Variants in DIAPH2 observed in about 807,000 individuals in gnomAD.
DIAPH2 encodes the protein protein diaphanous homolog 2.
A neutral mutation model predicts 92.7 loss-of-function variants in DIAPH2; 35 were observed. The observed-to-expected ratio is 0.38, with a 90% CI of 0.29 to 0.50. DIAPH2 has a LOEUF of 0.50. Among genes scored for constraint, DIAPH2 ranks in the 20% least tolerant of loss-of-function variants. The probability of loss-of-function intolerance (pLI) is 0.94; values close to 1 mark genes in which losing one functional copy is unlikely to be tolerated. For synonymous variants in DIAPH2, 301 were observed against 280.4 expected (o/e 1.07, Z -0.73); for missense variants, 701 against 819.5 (o/e 0.86, Z 1.77).
intron 26 of DIAPH2, among the ~76,000 whole-genome samples, chrX:97,499,436 G>A (rs751305272): frequency 1.2e-4 from 13 of 111,547 alleles, no homozygotes; most frequent in South Asian, 3.8e-4. Flanking sequence ...TAGATTCAGC[G>A]GGTACATGTG....
intron 4 of DIAPH2, among the ~76,000 whole-genome samples, chrX:96,838,209 A>G (rs1311926114): frequency 8.9e-6 from 1 of 111,966 alleles, no homozygotes; most frequent in Non-Finnish European, 1.9e-5. Flanking sequence ...CTTAAAATAT[A>G]AAGCAATGAG....
chrX:97,018,711 C>T (rs962063443), intron 17 of DIAPH2, among the ~76,000 whole-genome samples: 1 of 111,662 alleles, frequency 9.0e-6, no homozygotes, highest in Non-Finnish European at 1.9e-5. Context: ...TCCAGTTTCC[C>T]CTATTATTAT....
At chrX:97,579,198 G>A (rs1251908139) in intron 26 of DIAPH2, among the ~76,000 whole-genome samples, 5 of 108,970 alleles carry the variant, frequency 4.6e-5, no homozygotes, top group Non-Finnish European at 7.7e-5. Context: ...TGTCAATTTT[G>A]TCTTTTGTTG....
chrX:97,274,782 C>A (rs2068424567), intron 23 of DIAPH2, among the ~76,000 whole-genome samples: 1 of 110,325 alleles, frequency 9.1e-6, no homozygotes, highest in Non-Finnish European at 1.9e-5. Flanking sequence ...AGGCAAAGGA[C>A]CCTGTGGCCT....
chrX:97,380,615 G>T (rs1049892237), intron 24 of DIAPH2, among the ~76,000 whole-genome samples: 3 of 110,951 alleles, frequency 2.7e-5, no homozygotes, highest in African/African-American at 9.8e-5. Flanking sequence ...TTTTTAGAAG[G>T]GTTAAACAAT....
intron 26 of DIAPH2, among the ~76,000 whole-genome samples, chrX:97,474,919 G>A (rs765633821): frequency 1.8e-5 from 2 of 111,230 alleles, no homozygotes; most frequent in African/African-American, 6.5e-5. Context: ...TGAGAAATCT[G>A]ATTTGTGGAT....
chrX:96,828,887 G>A (rs1330634967), intron 4 of DIAPH2, among the ~76,000 whole-genome samples: 1 of 111,157 alleles, frequency 9.0e-6, no homozygotes, highest in Admixed American at 9.6e-5. Context: ...GAATATAAAT[G>A]GATAGATAAA....
intron 26 of DIAPH2, among the ~76,000 whole-genome samples, chrX:97,559,360 C>T (rs976350168): frequency 1.5e-4 from 16 of 109,787 alleles, no homozygotes; most frequent in Admixed American, 2.9e-4. Context: ...CGTGGTGGTG[C>T]GCGCCTGTAG....
intron 22 of DIAPH2, among the ~76,000 whole-genome samples, chrX:97,185,475 A>ATG (rs1569323396): frequency 7.5e-4 from 1 of 1,341 alleles, no homozygotes; most frequent in Non-Finnish European, 1.3e-3. Flanking sequence ...ATATATACAC[A>ATG]TATATATATA....
intron 17 of DIAPH2, among the ~76,000 whole-genome samples, chrX:97,030,178 C>T (rs905418641): frequency 1.8e-5 from 2 of 111,471 alleles, no homozygotes; most frequent in African/African-American, 3.3e-5. Flanking sequence ...TTTTTAACCA[C>T]CCCTGGGTTG....
rs1037224288 is a variant in DIAPH2 at position 97,257,445 on chromosome X, T to C, written c.2844+9606T>C. ...CTGAGTTGACAATGGTTCTGAGAGG[T>C]AACGGTAACAAACCCTCTTTATCGT... On this transcript the variant is annotated intron_variant, in intron 23 of 26. Transcript: ENST00000324765. 6.3e-5 allele frequency among the ~76,000 whole-genome samples: 7 copies of C among 111,410 alleles called. No homozygotes were observed. The Admixed American group carries it at 6.7e-4, about 11-fold the overall frequency.
chrX:96,706,639 C>G (rs1446306992), intron 1 of DIAPH2, among the ~76,000 whole-genome samples: 1 of 111,559 alleles, frequency 9.0e-6, no homozygotes, highest in African/African-American at 3.3e-5. Context: ...CGTGGGACAT[C>G]ATTGCGAGGT....
rs1265069515 is a variant in DIAPH2, at chrX:97,601,214, T to TATC, written c.*1899_*1901dup. 8.9e-6 allele frequency: 1 copy of TATC among 111,965 alleles called. No individual in the cohort carries two copies. Among genetic ancestry groups the TATC allele is most frequent in the Non-Finnish European group, 1.9e-5 (1 of 53,108 alleles). The allele number at this position is 111,965 out of a possible 1,213,427, so 9.2% of individuals were successfully genotyped here. ...GGCTTTTTTAATTCTTTTGACAGCTTATCAGTCTGTAGGAGAATGATCTTG... is the reference window on the plus strand; with the variant it reads ...GGCTTTTTTAATTCTTTTGACAGCTTATCATCAGTCTGTAGGAGAATGATCTTG... On this transcript the variant is annotated 3_prime_UTR_variant, in exon 27 of 27. Transcript: ENST00000324765.
At chrX:97,537,301 C>T (rs1160168710) in intron 26 of DIAPH2, among the ~76,000 whole-genome samples, 2 of 111,694 alleles carry the variant, frequency 1.8e-5, no homozygotes, top group Non-Finnish European at 3.8e-5. Context: ...GGAGTTTGAA[C>T]ATCATTCTGT....
intron 22 of DIAPH2, among the ~76,000 whole-genome samples, chrX:97,155,626 T>C (rs1281729667): frequency 8.9e-6 from 1 of 112,310 alleles, no homozygotes; most frequent in African/African-American, 3.2e-5. Flanking sequence ...TTATTTTTAT[T>C]ATTTACCTTG....
chrX:97,536,475 T>C (rs7889142), intron 26 of DIAPH2, among the ~76,000 whole-genome samples: 2,438 of 112,481 alleles, frequency 0.022, 62 homozygotes, highest in African/African-American at 0.075. Flanking sequence ...TGACTAGCTC[T>C]TTTTAAGTAG....
rs138847007 is a variant in DIAPH2, at chrX:97,566,887, A to G, written c.3242-32366A>G. Among the ~76,000 whole-genome samples the G allele has an allele frequency of 2.2e-3, 251 of 111,906 alleles. 1 individual carries two copies. The highest frequency in any genetic ancestry group is 7.6e-3 in the African/African-American group (234 of 30,828). On this transcript the variant is annotated intron_variant, in intron 26 of 26. Transcript: ENST00000324765. ...TGAAAGAATTAGATCACAAAAGAGT[A>G]TATAAACGCTGATTATATCTATAAT...
chrX:97,569,825 GATAGA>G (rs1430728944), intron 26 of DIAPH2, among the ~76,000 whole-genome samples: 4 of 106,911 alleles, frequency 3.7e-5, no homozygotes, highest in Non-Finnish European at 7.7e-5. Context: ...ATAAATGAAT[GATAGA>G]ATAATTATGG....
intron 4 of DIAPH2, among the ~76,000 whole-genome samples, chrX:96,856,327 G>A (rs1047468356): frequency 9.0e-6 from 1 of 110,880 alleles, no homozygotes; most frequent in African/African-American, 3.3e-5. Flanking sequence ...GGCCCTCTGG[G>A]TGATAAAAGG....
Sources: allele counts gnomAD v4.1 joint callset (sites outside exome capture counted in the v4.1 genomes callset), GRCh38; gene constraint gnomAD v4.1.1; transcripts MANE v1.5; gene names NCBI Gene and HGNC (gene_info 2026-07-23, HGNC 2026-07-21).